PPM1E: variants seen among roughly 807,000 people sequenced by gnomAD.
PPM1E encodes the protein protein phosphatase 1E.
A neutral mutation model predicts 65.9 loss-of-function variants in PPM1E; 20 were observed. The ratio of observed to expected loss-of-function variants is 0.30; its 90% CI spans 0.21 to 0.44. PPM1E has a LOEUF of 0.44. Among genes scored for constraint, PPM1E ranks in the 20% least tolerant of loss-of-function variants. PPM1E has a pLI of 1.00. For synonymous variants in PPM1E, 352 were observed against 374.9 expected (o/e 0.94, Z 0.70); for missense variants, 713 against 953.1 (o/e 0.75, Z 3.32).
At chr17:58,800,390 C>T (rs2143049101) in intron 1 of PPM1E, among the ~76,000 whole-genome samples, 1 of 152,154 alleles carries the variant, frequency 6.6e-6, no homozygotes, top group African/African-American at 2.4e-5. Context: ...TTCTTTCCTT[C>T]TCTCTTCCTT....
At chr17:58,955,445 T>A in intron 1 of PPM1E, 1 of 627,374 alleles carries the variant, frequency 1.6e-6, no homozygotes, top group Non-Finnish European at 2.8e-6. Context: ...TGTAGCTCCT[T>A]TAGGTAAGGA....
intron 1 of PPM1E, among the ~76,000 whole-genome samples, chr17:58,768,894 C>T (rs756737697): frequency 3.9e-5 from 6 of 152,082 alleles, no homozygotes; most frequent in Non-Finnish European, 5.9e-5. Flanking sequence ...GTCTTGGACT[C>T]CCGACCTCAG....
intron 6 of PPM1E, among the ~76,000 whole-genome samples, chr17:58,977,455 A>G (rs2031078325): frequency 6.6e-6 from 1 of 151,958 alleles, no homozygotes; most frequent in Non-Finnish European, 1.5e-5. Flanking sequence ...AAAAAAAAAA[A>G]AGAAATAATG....
intron 1 of PPM1E, among the ~76,000 whole-genome samples, chr17:58,875,974 A>AT (rs879327817): frequency 6.6e-6 from 1 of 152,196 alleles, no homozygotes; most frequent in Non-Finnish European, 1.5e-5. Flanking sequence ...ATGACTTTAC[A>AT]TCTCTTCAAA....
At chr17:58,879,386 C>G (rs73315111) in intron 1 of PPM1E, among the ~76,000 whole-genome samples, 3,508 of 150,206 alleles carry the variant, frequency 0.023, 130 homozygotes, top group African/African-American at 0.081. Flanking sequence ...ACCTCAGCTT[C>G]TACGGGTGTG....
intron 5 of PPM1E, among the ~76,000 whole-genome samples, chr17:58,972,559 C>T (rs549388982): frequency 1.3e-5 from 2 of 152,230 alleles, no homozygotes; most frequent in African/African-American, 4.8e-5. Context: ...CCATGTTGGC[C>T]AGGCTGGTCT....
At chr17:58,816,782 ATATATATATATATTTTTTTTTT>A (rs2050426950) in intron 1 of PPM1E, among the ~76,000 whole-genome samples, 1 of 8,558 alleles carries the variant, frequency 1.2e-4, no homozygotes, top group African/African-American at 6.1e-4. Context: ...ATATATATAT[ATATATATATATATTTTTTTTTT>A]TTTTTTTTTG....
intron 2 of PPM1E, among the ~76,000 whole-genome samples, chr17:58,958,279 C>G (rs2029915265): frequency 6.6e-6 from 1 of 151,668 alleles, no homozygotes; most frequent in Admixed American, 6.6e-5. Context: ...GGGATGATCA[C>G]AGTTCACTGA....
intron 6 of PPM1E, among the ~76,000 whole-genome samples, chr17:58,975,175 G>C (rs1371595894): frequency 6.6e-6 from 1 of 152,200 alleles, no homozygotes; most frequent in Non-Finnish European, 1.5e-5. Context: ...ATGAGTGCTT[G>C]AGTGGCCAGT....
intron 1 of PPM1E, among the ~76,000 whole-genome samples, chr17:58,849,678 T>G (rs2050805967): frequency 6.6e-6 from 1 of 152,248 alleles, no homozygotes; most frequent in African/African-American, 2.4e-5. Context: ...TGCTGAGGAG[T>G]GCTTTACTTC....
chr17:58,789,694 C>T (rs563402942), intron 1 of PPM1E, among the ~76,000 whole-genome samples: 32 of 151,432 alleles, frequency 2.1e-4, no homozygotes, highest in South Asian at 4.2e-4. Flanking sequence ...GATGACTCTC[C>T]GATGTGATCC....
intron 1 of PPM1E, among the ~76,000 whole-genome samples, chr17:58,882,675 G>C (rs2051210802): frequency 6.6e-6 from 1 of 152,074 alleles, no homozygotes; most frequent in Non-Finnish European, 1.5e-5. Context: ...ACAGGTGTGA[G>C]CCACCGAGCC....
At chr17:58,769,443 A>G (rs1291165994) in intron 1 of PPM1E, among the ~76,000 whole-genome samples, 1 of 152,144 alleles carries the variant, frequency 6.6e-6, no homozygotes, top group Non-Finnish European at 1.5e-5. Flanking sequence ...AAAAAAATAC[A>G]AAAATTAGCT....
rs1311839137 is a variant in PPM1E, at chr17:58,967,587, T to A, written c.783+1694T>A. Among the ~76,000 whole-genome samples the A allele has an allele frequency of 3.3e-5, 5 of 151,814 alleles. No individual in the cohort carries two copies. In the East Asian group the frequency reaches 9.7e-4, roughly 29 times the overall value. Reference sequence around the variant, plus strand: ...GTGTATGGTGGAATTATTAGTGATATTTCCTTTGTTATTAGTCTAAATTAT... The same window carrying A: ...GTGTATGGTGGAATTATTAGTGATAATTCCTTTGTTATTAGTCTAAATTAT... On this transcript the variant is annotated intron_variant, in intron 3 of 6. Coordinates refer to ENST00000308249, the MANE Select transcript of PPM1E (RefSeq NM_014906.5).
At chr17:58,936,750 A>T (rs2051986225) in intron 1 of PPM1E, among the ~76,000 whole-genome samples, 1 of 152,236 alleles carries the variant, frequency 6.6e-6, no homozygotes, top group South Asian at 2.1e-4. Flanking sequence ...ATCTGAATAA[A>T]ATACTATCCT....
chr17:58,800,696 A>G (rs1487671496), intron 1 of PPM1E, among the ~76,000 whole-genome samples: 1 of 152,200 alleles, frequency 6.6e-6, no homozygotes, highest in Non-Finnish European at 1.5e-5. Context: ...TTTGTCAAAC[A>G]TATTGAGATA....
At chr17:58,883,733 C>T (rs937215226) in intron 1 of PPM1E, among the ~76,000 whole-genome samples, 4 of 151,764 alleles carry the variant, frequency 2.6e-5, no homozygotes, top group African/African-American at 4.8e-5. Flanking sequence ...GATCCGCCCG[C>T]CTCGGCCTCC....
intron 1 of PPM1E, among the ~76,000 whole-genome samples, chr17:58,876,595 A>G (rs1435516337): frequency 2.6e-5 from 4 of 152,194 alleles, no homozygotes; most frequent in African/African-American, 9.6e-5. Context: ...CCTAAAATGT[A>G]AGGAATTAAA....
intron 1 of PPM1E, among the ~76,000 whole-genome samples, chr17:58,892,121 C>T (rs894462650): frequency 8.5e-5 from 13 of 152,056 alleles, no homozygotes; most frequent in Admixed American, 6.6e-5. Context: ...CAGGTGTGAG[C>T]CACCGTGCAT....
Sources: allele counts gnomAD v4.1 joint callset (sites outside exome capture counted in the v4.1 genomes callset), GRCh38; gene constraint gnomAD v4.1.1; transcripts MANE v1.5; gene names NCBI Gene and HGNC (gene_info 2026-07-23, HGNC 2026-07-21).